The following ZNF529 variants were observed in gnomAD, a reference collection of about 807,000 sequenced individuals.
The protein encoded by ZNF529 is zinc finger protein 529.
ZNF529 carries 11 observed loss-of-function variants against 10.1 expected under a neutral mutation model. The ratio of observed to expected loss-of-function variants is 1.09; its 90% CI spans 0.69 to 1.81. The LOEUF is 1.81. Ranked by LOEUF, ZNF529 falls within the 40% of genes most tolerant of loss-of-function variation. The pLI, the probability that ZNF529 is intolerant of heterozygous loss-of-function variation, is 0.00. For missense variants in ZNF529, 624 were observed against 666.8 expected, an observed-to-expected ratio of 0.94 and a Z score of 0.71; for synonymous variants, 204 against 215.7, an observed-to-expected ratio of 0.95 and a Z score of 0.47.
intron 2 of ZNF529, chr19:36,580,532 G>A (rs1037320725): frequency 6.6e-6 from 1 of 152,154 alleles, no homozygotes; most frequent in Non-Finnish European, 1.5e-5. Context: ...GACCACCATT[G>A]TATATGTGTC....
At chr19:36,583,998 C>G (rs1177732615) in intron 2 of ZNF529, among the ~76,000 whole-genome samples, 2 of 151,902 alleles carry the variant, frequency 1.3e-5, no homozygotes. Context: ...CAAAATTAAA[C>G]TCAATTTTAA....
chr19:36,552,471 A>T (rs1215477247), intron 4 of ZNF529, among the ~76,000 whole-genome samples: 1 of 152,154 alleles, frequency 6.6e-6, no homozygotes, highest in Non-Finnish European at 1.5e-5. Context: ...CAACAACATC[A>T]AAGTAAAAAC....
intron 4 of ZNF529, among the ~76,000 whole-genome samples, chr19:36,552,721 T>C (rs1444917995): frequency 6.6e-6 from 1 of 152,234 alleles, no homozygotes; most frequent in African/African-American, 2.4e-5. Context: ...ACAATGTTTT[T>C]TTTATTATAG....
chr19:36,550,930 G>A (rs1400671144), intron 4 of ZNF529, among the ~76,000 whole-genome samples: 4 of 152,148 alleles, frequency 2.6e-5, no homozygotes, highest in Non-Finnish European at 5.9e-5. Flanking sequence ...CAAATTCCTG[G>A]AATGAGATAA....
intron 1 of ZNF529, chr19:36,605,103 A>C (rs897051833): frequency 2.0e-5 from 3 of 152,492 alleles, no homozygotes; most frequent in African/African-American, 7.2e-5. Flanking sequence ...TCTCGCATCC[A>C]GACCCGGGTC....
In ZNF529 at chr19:36,565,368, G is replaced by A. The variant is rs2035856590; in HGVS notation, c.14+6965C>T. On this transcript the variant is annotated intron_variant, in intron 2 of 4. Transcript: ENST00000591340. ...AAAGCTAAGGGAGCCCTGCAAGTTG[G>A]AATAAAAAGACAGTAGAAAGTAACT... 1.3e-5 allele frequency among the ~76,000 whole-genome samples: 2 copies of A among 152,106 alleles called. 1 individual carries two copies. The highest frequency in any genetic ancestry group is 4.1e-4 in the South Asian group (2 of 4,830).
intron 2 of ZNF529, among the ~76,000 whole-genome samples, chr19:36,585,799 T>G (rs531855713): frequency 6.6e-6 from 1 of 152,300 alleles, no homozygotes; most frequent in East Asian, 1.9e-4. Context: ...GGGACTCTGG[T>G]TTCTGGCCAG....
Position 36,561,934 on chromosome 19 carries a change from G to C in ZNF529, c.15-5737C>G, listed in dbSNP as rs1051687745. Among the ~76,000 whole-genome samples, 19 of 152,144 alleles carry C rather than the reference G, an allele frequency of 1.2e-4. 1 individual carries two copies. ...CCATACTTTCTTATTTATCTGTTTT[G>C]GAATAGAAATGTCTGTCCTGGCCGG... On this transcript the variant is annotated intron_variant, in intron 2 of 4. Coordinates refer to ENST00000591340, the MANE Select transcript of ZNF529 (RefSeq NM_020951.5).
Position 36,546,722 on chromosome 19 carries a change from C to A in ZNF529, c.*144G>T, listed in dbSNP as rs1295437892. The stretch of plus-strand genomic sequence containing the variant: ...ATATATCAGCTATGACTAAGCAATT[C>A]TACGTCTACATACAGAATGACCATG... On this transcript the variant is annotated 3_prime_UTR_variant, in exon 5 of 5. Transcript: ENST00000591340. The A allele has an allele frequency of 2.4e-6, 2 of 827,516 alleles. No individual in the cohort carries two copies. The highest frequency in any genetic ancestry group is 3.7e-6 in the Non-Finnish European group (2 of 542,496). 51.3% of individuals were successfully genotyped at this position (827,516 alleles called of 1,614,324 possible).
In ZNF529 at chr19:36,552,973, T is replaced by C. The variant is rs376848505; in HGVS notation, c.235+1697A>G. On this transcript the variant is annotated intron_variant, in intron 4 of 4. Transcript: ENST00000591340. The stretch of plus-strand genomic sequence containing the variant: ...TATAATAGTTAAAAAATACTGTCTT[T>C]GGTGCCAGATTGCCTGGGTGGAAAG... 3.9e-5 allele frequency among the ~76,000 whole-genome samples: 6 copies of C among 152,196 alleles called. No individual in the cohort carries two copies. The East Asian group carries it at 7.7e-4, about 20-fold the overall frequency.
chr19:36,564,153 T>C (rs972962903), intron 2 of ZNF529, among the ~76,000 whole-genome samples: 5 of 152,098 alleles, frequency 3.3e-5, no homozygotes, highest in Admixed American at 6.6e-5. Context: ...AAACTAAAAA[T>C]CCTAGAAGAA....
chr19:36,550,379 C>T (rs1266142950), intron 4 of ZNF529, among the ~76,000 whole-genome samples: 1 of 152,070 alleles, frequency 6.6e-6, no homozygotes, highest in African/African-American at 2.4e-5. Flanking sequence ...CCCGTCTGTA[C>T]TAAAAATACA....
At chr19:36,563,203 T>C (rs2035774552) in intron 2 of ZNF529, among the ~76,000 whole-genome samples, 1 of 152,002 alleles carries the variant, frequency 6.6e-6, no homozygotes, top group Non-Finnish European at 1.5e-5. Flanking sequence ...AGGTGGATCA[T>C]GAGGTCAGGA....
chr19:36,577,584 G>A (rs2036357212), upstream of ZNF529: 1 of 151,988 alleles, frequency 6.6e-6, no homozygotes, highest in Admixed American at 6.6e-5. Context: ...GGGCCCAAGT[G>A]ATCCTCCCAC....
chr19:36,572,397 A>AGAGGCC lies in ZNF529; in HGVS notation c.-46-6_-46-5insGGCCTC. 6.5e-7 allele frequency: 1 copy of AGAGGCC among 1,549,364 alleles called. No homozygotes were observed. On this transcript the variant is annotated splice_polypyrimidine_tract_variant and splice_region_variant and intron_variant, in intron 1 of 4. Coordinates refer to ENST00000591340, the MANE Select transcript of ZNF529 (RefSeq NM_020951.5). ...AGGGGGCCTTCACTTGCAGAACTAC[A>AGAGGCC]TAACCAAGAGGGAGAAAGGACTCAT...
chr19:36,552,930 C>A (rs146406532), intron 4 of ZNF529, among the ~76,000 whole-genome samples: 1 of 152,254 alleles, frequency 6.6e-6, no homozygotes, highest in East Asian at 1.9e-4. Context: ...CATACTAATT[C>A]TTTGTCTGGA....
Position 36,544,487 on chromosome 19 carries a change from T to C in ZNF529, c.*2379A>G, listed in dbSNP as rs764784094. 3.9e-5 allele frequency: 6 copies of C among 152,166 alleles called. No homozygotes were observed. The highest frequency in any genetic ancestry group is 3.9e-4 in the East Asian group (2 of 5,194). The allele number at this position is 152,166 out of a possible 1,614,324, so 9.4% of individuals were successfully genotyped here. On this transcript the variant is annotated 3_prime_UTR_variant, in exon 5 of 5. Coordinates refer to ENST00000591340, the MANE Select transcript of ZNF529 (RefSeq NM_020951.5). The stretch of plus-strand genomic sequence containing the variant: ...GGAAAAAAACACACACAAAGAAATA[T>C]AGGACAAGTTCTCCTGGAGAACTAT...
chr19:36,560,353 T>C (rs1320193508), intron 2 of ZNF529, among the ~76,000 whole-genome samples: 2 of 151,558 alleles, frequency 1.3e-5, no homozygotes, highest in African/African-American at 4.8e-5. Flanking sequence ...TTAACTGATA[T>C]ACAAATTTTA....
intron 3 of ZNF529, 87 bp downstream of exon 3, chr19:36,556,017 T>G: frequency 7.3e-7 from 1 of 1,366,566 alleles, no homozygotes; most frequent in Non-Finnish European, 1.0e-6. Flanking sequence ...AGTATGGGGT[T>G]GTGGTACAGG....
Sources: gnomAD v4.1 joint callset for allele counts (sites outside exome capture counted in the v4.1 genomes callset) on GRCh38, gnomAD v4.1.1 for gene constraint, MANE v1.5 for transcripts, NCBI Gene and HGNC (gene_info 2026-07-23, HGNC 2026-07-21) for gene names.